DIP2C: variants seen among roughly 807,000 people sequenced by gnomAD.
The protein encoded by DIP2C is disco-interacting protein 2 homolog C.
Under a neutral mutation model 192.4 loss-of-function variants are expected in DIP2C, and 33 were observed. That is an observed-to-expected ratio of 0.17 (90% confidence interval 0.13 to 0.23). DIP2C has a LOEUF of 0.23. Among genes scored for constraint, DIP2C ranks in the 10% least tolerant of loss-of-function variants. DIP2C has a pLI of 1.00. For synonymous variants in DIP2C, 979 were observed against 864.1 expected (o/e 1.13, Z -2.33); for missense variants, 1,537 against 2,110.1 (o/e 0.73, Z 5.32).
At chr10:366,541 G>A (rs1960235123) in intron 18 of DIP2C, 130 bp from the exon 19 acceptor site, 27 of 1,277,246 alleles carry the variant, frequency 2.1e-5, no homozygotes, top group African/African-American at 2.9e-5. Flanking sequence ...CTGCACGGAT[G>A]GTAGTCAGCC....
At chr10:632,235 A>G (rs543624280) in intron 1 of DIP2C, among the ~76,000 whole-genome samples, 1 of 152,394 alleles carries the variant, frequency 6.6e-6, no homozygotes, top group Admixed American at 6.5e-5. Context: ...GTATAGGTCA[A>G]GGTGTGGGAG....
intron 1 of DIP2C, among the ~76,000 whole-genome samples, chr10:487,602 C>CAG (rs1844121390): frequency 1.0e-5 from 1 of 99,400 alleles, no homozygotes; most frequent in Middle Eastern, 0.014. Context: ...TTTTTTGAGA[C>CAG]AGTCTCTCTC....
chr10:333,111 C>A (rs973020674), intron 29 of DIP2C, among the ~76,000 whole-genome samples: 3 of 152,160 alleles, frequency 2.0e-5, no homozygotes, highest in African/African-American at 7.2e-5. Context: ...TCATGTTGGC[C>A]AGGCTGGTCT....
chr10:552,795 G>A (rs898912745), intron 1 of DIP2C, among the ~76,000 whole-genome samples: 2 of 152,248 alleles, frequency 1.3e-5, no homozygotes, highest in Non-Finnish European at 2.9e-5. Flanking sequence ...CTTGCACTGA[G>A]CCAAAATCAT....
chr10:486,303 GTGATCACTCAAA>G (rs1844010543), intron 2 of DIP2C, among the ~76,000 whole-genome samples, 144 bp downstream of exon 2: 1 of 152,216 alleles, frequency 6.6e-6, no homozygotes. Flanking sequence ...CACAGCACGT[GTGATCACTCAAA>G]GGAACTGAAT....
In DIP2C at chr10:345,092, G is replaced by A. The variant is rs1456490164; in HGVS notation, c.3250C>T (p.Leu1084=). 1.2e-6 allele frequency: 2 copies of A among 1,612,692 alleles called. No individual in the cohort carries two copies. The highest frequency in any genetic ancestry group is 3.3e-5 in the Admixed American group (2 of 59,970). ...TTACAGATCAGCTGTGTCGTCATCA[G>A]ACAGGCAGAGCGACTCACCTGGCAT... ...MIVEVSRSAC[L]MTTQLICKLL... The change falls in exon 27 of 37, where the codon CTG becomes TTG. Residue 1084 remains leucine, a synonymous_variant. Transcript: ENST00000280886.
At chr10:308,200 G>C (rs1956413793) in intron 32 of DIP2C, among the ~76,000 whole-genome samples, 3 of 152,224 alleles carry the variant, frequency 2.0e-5, no homozygotes, top group Non-Finnish European at 4.4e-5. Context: ...GTCTCATGAA[G>C]ATGTCTGGCA....
At chr10:528,613 C>A (rs949029373) in intron 1 of DIP2C, among the ~76,000 whole-genome samples, 1 of 152,204 alleles carries the variant, frequency 6.6e-6, no homozygotes, top group Non-Finnish European at 1.5e-5. Flanking sequence ...CAGCTGTGCA[C>A]GTCACAGTGA....
At chr10:467,437 C>T (rs912836532) in intron 3 of DIP2C, among the ~76,000 whole-genome samples, 3 of 148,010 alleles carry the variant, frequency 2.0e-5, no homozygotes, top group South Asian at 2.1e-4. Flanking sequence ...TGCTAGATGA[C>T]GAGTTAGTGG....
chr10:425,500 G>C (rs200271501), intron 4 of DIP2C, among the ~76,000 whole-genome samples: 2 of 135,580 alleles, frequency 1.5e-5, no homozygotes, highest in African/African-American at 5.3e-5. Flanking sequence ...CATGACCAGC[G>C]GTGACTAATA....
chr10:631,839 A>G (rs902656709), intron 1 of DIP2C, among the ~76,000 whole-genome samples: 4 of 152,216 alleles, frequency 2.6e-5, no homozygotes, highest in Middle Eastern at 3.2e-3. Flanking sequence ...AGGCATTTTC[A>G]TATGTTTACC....
chr10:394,233 CGAG>C (rs1564655869), intron 10 of DIP2C, among the ~76,000 whole-genome samples: 2 of 151,254 alleles, frequency 1.3e-5, no homozygotes, highest in African/African-American at 4.9e-5. Context: ...CAGCCTTCAG[CGAG>C]GAGGGAAGCC....
At chr10:285,841 G>A (rs1263010376) in intron 34 of DIP2C, among the ~76,000 whole-genome samples, 1 of 152,226 alleles carries the variant, frequency 6.6e-6, no homozygotes, top group African/African-American at 2.4e-5. Context: ...TTTCTGATCT[G>A]AAATAAACAC....
intron 2 of DIP2C, among the ~76,000 whole-genome samples, chr10:479,077 G>C (rs1843394867): frequency 6.6e-6 from 1 of 152,166 alleles, no homozygotes; most frequent in African/African-American, 2.4e-5. Context: ...TTTCAGGTCT[G>C]TCCCAGAGCA....
rs147251101 is a variant in DIP2C at position 562,711 on chromosome 10, A to T, written c.86-76181T>A. Among the ~76,000 whole-genome samples, 208 of 152,360 alleles carry T rather than the reference A, an allele frequency of 1.4e-3. 1 individual carries two copies. Among genetic ancestry groups the T allele is most frequent in the African/African-American group, 4.8e-3 (199 of 41,590 alleles). On this transcript the variant is annotated intron_variant, in intron 1 of 36. Coordinates refer to ENST00000280886, the MANE Select transcript of DIP2C (RefSeq NM_014974.3). ...TAAAGATTTCTTCCTCACTGAAAAC[A>T]AGTGTTCTGTTCCCTCAGAGAGCTT...
intron 2 of DIP2C, among the ~76,000 whole-genome samples, chr10:475,697 C>T (rs777953857): frequency 3.1e-4 from 47 of 152,158 alleles, no homozygotes; most frequent in Non-Finnish European, 5.1e-4. Context: ...TGCAATAAGA[C>T]GGCAAAAGAA....
At chr10:488,266 A>G (rs1279579953) in intron 1 of DIP2C, among the ~76,000 whole-genome samples, 1 of 152,204 alleles carries the variant, frequency 6.6e-6, no homozygotes, top group Non-Finnish European at 1.5e-5. Context: ...CCCAGCTTCC[A>G]GGCCACTTCT....
intron 1 of DIP2C, among the ~76,000 whole-genome samples, chr10:529,007 G>A (rs1847223142): frequency 6.6e-6 from 1 of 152,216 alleles, no homozygotes; most frequent in Admixed American, 6.5e-5. Context: ...TGACGGGGAT[G>A]GTGCCAGAAC....
chr10:639,842 G>A (rs1363962430), intron 1 of DIP2C, among the ~76,000 whole-genome samples: 1 of 152,186 alleles, frequency 6.6e-6, no homozygotes, highest in Non-Finnish European at 1.5e-5. Context: ...ACCACGAAAA[G>A]AAGGAAAATC....
Sources: gnomAD v4.1 joint callset for allele counts (sites outside exome capture counted in the v4.1 genomes callset) on GRCh38, gnomAD v4.1.1 for gene constraint, MANE v1.5 for transcripts, NCBI Gene and HGNC (gene_info 2026-07-23, HGNC 2026-07-21) for gene names.